TEX35: variants seen among roughly 807,000 people sequenced by gnomAD.
TEX35 encodes the protein testis-expressed protein 35.
A neutral mutation model predicts 31.9 loss-of-function variants in TEX35; 26 were observed. The observed-to-expected ratio is 0.81, with a 90% CI of 0.60 to 1.13. The LOEUF (loss-of-function observed/expected upper bound fraction) is 1.13. Among genes scored for constraint, TEX35 ranks in the 50% most tolerant of loss-of-function variants. The pLI is 0.00. For synonymous variants in TEX35, 87 were observed against 90.7 expected (o/e 0.96, Z 0.23); for missense variants, 278 against 273.5 (o/e 1.02, Z -0.12).
At chr1:178,523,194 C>A, downstream of TEX35, 3 of 649,038 alleles carry the variant, frequency 4.6e-6, no homozygotes, top group Admixed American at 2.3e-5. Flanking sequence ...CCTCATTCAT[C>A]TGTTGATGAC....
chr1:178,514,429 G>A (rs577573177), intron 2 of TEX35, among the ~76,000 whole-genome samples: 47 of 152,348 alleles, frequency 3.1e-4, no homozygotes, highest in Middle Eastern at 3.4e-3. Context: ...AGGCAGAGGA[G>A]GCAGCATGCA....
chr1:178,522,137 G>C (rs1650309924), intron 8 of TEX35, 188 bp from the exon 9 acceptor site: 1 of 803,684 alleles, frequency 1.2e-6, no homozygotes, highest in Non-Finnish European at 1.9e-6. Flanking sequence ...ATGGGGCCAG[G>C]GTGTCTTGGG....
At chr1:178,521,004 GC>G in intron 7 of TEX35, 130 bp downstream of exon 7, 1 of 1,537,650 alleles carries the variant, frequency 6.5e-7, no homozygotes, top group East Asian at 2.4e-5. Flanking sequence ...TCTGGGTGCC[GC>G]CCGAGCCTGC....
chr1:178,514,109 C>A, intron 2 of TEX35, 32 bp downstream of exon 2: 1 of 1,614,136 alleles, frequency 6.2e-7, no homozygotes, highest in Non-Finnish European at 8.5e-7. Flanking sequence ...ATGCAGGCAG[C>A]CAGGCCTGAG....
At chr1:178,521,969 A>G in intron 8 of TEX35, 1 of 918,812 alleles carries the variant, frequency 1.1e-6, no homozygotes, top group Non-Finnish European at 1.6e-6. Context: ...GGTCCTCCCA[A>G]CCACCACCTC....
intron 8 of TEX35, chr1:178,521,548 C>G: frequency 7.1e-7 from 1 of 1,405,666 alleles, no homozygotes; most frequent in Non-Finnish European, 9.9e-7. Context: ...TGCCCTTTCT[C>G]CCCATCCAGT....
At chr1:178,518,832 C>A (rs1041234680) in intron 5 of TEX35, among the ~76,000 whole-genome samples, 1 of 151,808 alleles carries the variant, frequency 6.6e-6, no homozygotes, top group Non-Finnish European at 1.5e-5. Context: ...ACAAAGGAGG[C>A]GATTTCAGGC....
intron 3 of TEX35, among the ~76,000 whole-genome samples, chr1:178,515,136 C>T (rs180965506): frequency 6.6e-6 from 1 of 152,262 alleles, no homozygotes; most frequent in East Asian, 1.9e-4. Flanking sequence ...GAGACAAGGT[C>T]TCCCTCTGTC....
At chr1:178,514,649 C>A in intron 2 of TEX35, 51 bp from the exon 3 acceptor site, 1 of 1,565,654 alleles carries the variant, frequency 6.4e-7, no homozygotes, top group Non-Finnish European at 8.8e-7. Flanking sequence ...TCTGCACTTC[C>A]ACCGCCCATC....
Position 178,514,778 on chromosome 1 carries a change from T to C in TEX35, c.159+10T>C. ...GACACAGGACCTAAAGGTGAGTGCGTGAACTTGGAGGCATGTCTATATTCC... is the reference window on the plus strand; with the variant it reads ...GACACAGGACCTAAAGGTGAGTGCGCGAACTTGGAGGCATGTCTATATTCC... On this transcript the variant is annotated intron_variant, in intron 3 of 8. Transcript: ENST00000319416. 6.2e-7 allele frequency: 1 copy of C among 1,612,394 alleles called. No homozygotes were observed. Among genetic ancestry groups the C allele is most frequent in the Non-Finnish European group, 8.5e-7 (1 of 1,179,100 alleles).
Position 178,516,740 on chromosome 1 carries a change from C to T in TEX35, c.276+66C>T, listed in dbSNP as rs559245435. ...CTGGAAACTGTGGAAGAGACACCAGCAGACCCTGCCCTCCAGGAGCTTATT... is the reference window on the plus strand; with the variant it reads ...CTGGAAACTGTGGAAGAGACACCAGTAGACCCTGCCCTCCAGGAGCTTATT... On this transcript the variant is annotated intron_variant, in intron 5 of 8. Coordinates refer to ENST00000319416, the MANE Select transcript of TEX35 (RefSeq NM_032126.5). 3.5e-6 allele frequency: 4 copies of T among 1,131,280 alleles called. No individual in the cohort carries two copies. The Admixed American group carries it at 9.0e-5, about 25-fold the overall frequency. The allele number at this position is 1,131,280 out of a possible 1,614,324, so 70.1% of individuals were successfully genotyped here. A position where few individuals can be genotyped will look rare whatever the true frequency, so the allele number is the denominator to read the frequency against.
downstream of TEX35, chr1:178,523,417 A>G (rs1233929649): frequency 2.0e-6 from 1 of 511,076 alleles, no homozygotes; most frequent in Non-Finnish European, 3.5e-6. Context: ...TCCCACCAAC[A>G]GTGTACAAAG....
rs570032115 is a variant in TEX35 at position 178,516,668 on chromosome 1, T to C, written c.270T>C (p.Ile90=). The change falls in exon 5 of 9, where the codon ATT becomes ATC. Residue 90 remains isoleucine (I), a synonymous_variant. Transcript: ENST00000319416. ...ATAAACTTCACGAATTTGTGGAAAT[T>C]ATGAAGGTAAGCATTACTTGAGTGC... The part of the protein sequence containing the change: ...DFDKLHEFVE[I]MKEMQKDMDE... 3.1e-6 allele frequency: 5 copies of C among 1,610,498 alleles called. No individual in the cohort carries two copies. The highest frequency in any genetic ancestry group is 1.7e-5 in the Admixed American group (1 of 59,842).
At chr1:178,517,997 A>G (rs1014659634) in intron 5 of TEX35, among the ~76,000 whole-genome samples, 1 of 152,158 alleles carries the variant, frequency 6.6e-6, no homozygotes, top group African/African-American at 2.4e-5. Context: ...TTGGGGGAAC[A>G]TTTTTCCAAA....
At chr1:178,515,612 G>A (rs1224824823) in intron 3 of TEX35, among the ~76,000 whole-genome samples, 1 of 151,650 alleles carries the variant, frequency 6.6e-6, no homozygotes, top group Non-Finnish European at 1.5e-5. Context: ...TCGCTATGTT[G>A]CCCAGGCTGG....
chr1:178,518,084 T>C (rs954482330), intron 5 of TEX35, among the ~76,000 whole-genome samples: 4 of 152,086 alleles, frequency 2.6e-5, no homozygotes, highest in South Asian at 2.1e-4. Context: ...AGTAGGAAAA[T>C]AGACGAGTGT....
At chr1:178,522,101 T>G (rs912014130) in intron 8 of TEX35, 1 of 690,292 alleles carries the variant, frequency 1.4e-6, no homozygotes, top group African/African-American at 1.8e-5. Flanking sequence ...ATCCGCTCCC[T>G]CCACATAATC....
At chr1:178,516,703 G>A (rs1407712326) in intron 5 of TEX35, 29 bp downstream of exon 5, 1 of 1,535,490 alleles carries the variant, frequency 6.5e-7, no homozygotes, top group Admixed American at 1.8e-5. Flanking sequence ...CCTTCCATGG[G>A]CCAGTACCAT....
chr1:178,519,795 C>T (rs1650200393), intron 5 of TEX35, among the ~76,000 whole-genome samples: 2 of 152,170 alleles, frequency 1.3e-5, no homozygotes, highest in African/African-American at 4.8e-5. Context: ...TCCACTATTT[C>T]CATTCAATTT....
Sources: gnomAD v4.1 joint callset for allele counts (sites outside exome capture counted in the v4.1 genomes callset) on GRCh38, gnomAD v4.1.1 for gene constraint, MANE v1.5 for transcripts, NCBI Gene and HGNC (gene_info 2026-07-23, HGNC 2026-07-21) for gene names.